VASH2: variants seen among roughly 807,000 people sequenced by gnomAD.
The protein encoded by VASH2 is tubulinyl-Tyr carboxypeptidase 2.
A neutral mutation model predicts 37.2 loss-of-function variants in VASH2; 28 were observed. The observed-to-expected ratio is 0.75, with a 90% CI of 0.56 to 1.03. VASH2 has a LOEUF of 1.03. Among genes scored for constraint, VASH2 ranks in the 50% least tolerant of loss-of-function variants. The pLI is 0.00. For missense variants in VASH2, 419 were observed against 459.1 expected (o/e 0.91, Z 0.80); for synonymous variants, 188 against 174.7 (o/e 1.08, Z -0.60).
At chr1:212,987,804 T>C (rs953719126) in intron 7 of VASH2, among the ~76,000 whole-genome samples, 10 of 152,238 alleles carry the variant, frequency 6.6e-5, no homozygotes, top group Non-Finnish European at 1.3e-4. Flanking sequence ...TAATCGTATA[T>C]TGGAAGTCAT....
intron 5 of VASH2, among the ~76,000 whole-genome samples, chr1:212,972,070 C>T (rs1441491982): frequency 6.6e-6 from 1 of 152,200 alleles, no homozygotes; most frequent in African/African-American, 2.4e-5. Flanking sequence ...AGGTTATATA[C>T]TCCCCTGCCT....
intron 7 of VASH2, among the ~76,000 whole-genome samples, chr1:212,984,583 C>A (rs74599850): frequency 9.2e-5 from 14 of 152,234 alleles, no homozygotes; most frequent in African/African-American, 3.4e-4. Flanking sequence ...ATATGAAGGG[C>A]AGCATATTTA....
At chr1:212,962,332 C>T (rs758024409) in intron 3 of VASH2, among the ~76,000 whole-genome samples, 1 of 152,188 alleles carries the variant, frequency 6.6e-6, no homozygotes, top group Non-Finnish European at 1.5e-5. Context: ...AGCACATTGT[C>T]CAGGAGGTCA....
intron 5 of VASH2, chr1:212,967,341 G>C: frequency 8.2e-7 from 1 of 1,224,206 alleles, no homozygotes; most frequent in Admixed American, 2.7e-5. Flanking sequence ...GAAATTGTGG[G>C]GATAGACCCA....
intron 7 of VASH2, among the ~76,000 whole-genome samples, chr1:212,980,746 G>C (rs12057354): frequency 1.3e-5 from 2 of 152,210 alleles, no homozygotes; most frequent in Non-Finnish European, 2.9e-5. Context: ...ATTCTCCTTA[G>C]ATCCCAAATG....
intron 5 of VASH2, chr1:212,968,469 G>T (rs1286078863): frequency 1.1e-5 from 11 of 985,378 alleles, no homozygotes; most frequent in Non-Finnish European, 1.2e-5. Context: ...GTGGGAAGGA[G>T]AATCTCTGTG....
chr1:212,986,079 A>G (rs1253261480), intron 7 of VASH2, among the ~76,000 whole-genome samples: 2 of 152,244 alleles, frequency 1.3e-5, no homozygotes, highest in African/African-American at 4.8e-5. Flanking sequence ...AATCTAATAC[A>G]AATGTAGTTT....
chr1:212,967,115 A>C (rs1666874338), intron 5 of VASH2: 2 of 1,304,364 alleles, frequency 1.5e-6, no homozygotes, highest in East Asian at 1.1e-4. Context: ...ACTTGACAGA[A>C]CCCACAGCTA....
intron 7 of VASH2, among the ~76,000 whole-genome samples, chr1:212,977,822 C>A (rs1302544260): frequency 6.6e-6 from 1 of 152,292 alleles, no homozygotes; most frequent in South Asian, 2.1e-4. Flanking sequence ...AGCCTGAGAA[C>A]TGGTGTTTCT....
At chr1:212,967,074 G>A (rs912937320) in intron 5 of VASH2, 4 of 1,301,116 alleles carry the variant, frequency 3.1e-6, no homozygotes, top group East Asian at 1.1e-4. Flanking sequence ...AGTGGCGTGT[G>A]GAGGAGACCA....
chr1:212,972,778 T>C lies in VASH2; in HGVS notation c.696T>C (p.Phe232=). The part of the protein sequence containing the change: ...FRTLSDLIFD[F]EDSYKKYLHT... ...CTCTGAGTGACCTCATCTTTGACTTTGAGGACTCTTACAAGAAATACCTGC... is the reference window on the plus strand; with the variant it reads ...CTCTGAGTGACCTCATCTTTGACTTCGAGGACTCTTACAAGAAATACCTGC... Residue 232 remains phenylalanine, a synonymous_variant, in exon 6 of 8, where the codon TTT becomes TTC. Coordinates refer to ENST00000517399, the MANE Select transcript of VASH2 (RefSeq NM_001301056.2). The C allele has an allele frequency of 6.2e-7, 1 of 1,614,212 alleles. No homozygotes were observed.
intron 7 of VASH2, among the ~76,000 whole-genome samples, chr1:212,976,634 G>T (rs749341029): frequency 2.6e-5 from 4 of 152,128 alleles, no homozygotes; most frequent in Non-Finnish European, 4.4e-5. Context: ...AACAGAAGAT[G>T]GAAGAGGAAC....
intron 2 of VASH2, among the ~76,000 whole-genome samples, chr1:212,953,238 G>A (rs1572054521): frequency 6.6e-6 from 1 of 150,410 alleles, no homozygotes; most frequent in Non-Finnish European, 1.5e-5. Flanking sequence ...CGCGGGGGGG[G>A]GTGCATTCTC....
Position 212,951,540 on chromosome 1 carries a change from A to G in VASH2, c.-3A>G. The G allele has an allele frequency of 1.3e-6, 2 of 1,505,746 alleles. No individual in the cohort carries two copies. The highest frequency in any genetic ancestry group is 1.8e-6 in the Non-Finnish European group (2 of 1,127,776). 93.3% of individuals were successfully genotyped at this position (1,505,746 alleles called of 1,614,324 possible). A position where few individuals can be genotyped will look rare whatever the true frequency, so the allele number is the denominator to read the frequency against. The stretch of plus-strand genomic sequence containing the variant: ...GTACCTCGCTCCCCGCCCAGGCCCC[A>G]CCATGACCGGCTCCGCGGCCGACAC... On this transcript the variant is annotated 5_prime_UTR_variant, in exon 2 of 8. Transcript: ENST00000517399. This position sits in a 1 kb window ranked among gnomAD's most constrained non-coding sequence, Gnocchi z 4.4.
chr1:212,987,677 A>G (rs1378407043), intron 7 of VASH2, among the ~76,000 whole-genome samples: 1 of 152,124 alleles, frequency 6.6e-6, no homozygotes, highest in Non-Finnish European at 1.5e-5. Context: ...AGAACTCACT[A>G]GCCATACTGA....
intron 2 of VASH2, among the ~76,000 whole-genome samples, chr1:212,954,632 C>CTCA (rs1206667210): frequency 6.6e-6 from 1 of 152,144 alleles, no homozygotes; most frequent in African/African-American, 2.4e-5. Flanking sequence ...ATTGGTCAGG[C>CTCA]TGGTCTCGAA....
intron 5 of VASH2, chr1:212,967,375 G>A (rs1666883288): frequency 8.3e-7 from 1 of 1,204,298 alleles, no homozygotes; most frequent in South Asian, 1.5e-5. Flanking sequence ...AGCCTGATCT[G>A]CCACAATCAG....
At chr1:212,979,802 T>G (rs1667287320) in intron 7 of VASH2, among the ~76,000 whole-genome samples, 7 of 152,158 alleles carry the variant, frequency 4.6e-5, no homozygotes, top group Admixed American at 4.6e-4. Flanking sequence ...GTAAAGCACC[T>G]ACTACACTGA....
At chr1:212,982,431 C>T (rs376281978) in intron 7 of VASH2, among the ~76,000 whole-genome samples, 1 of 152,122 alleles carries the variant, frequency 6.6e-6, no homozygotes, top group East Asian at 1.9e-4. Flanking sequence ...ACCCTGGATC[C>T]GATGAGAGGT....
Sources: allele counts gnomAD v4.1 joint callset (sites outside exome capture counted in the v4.1 genomes callset), GRCh38; gene constraint gnomAD v4.1.1; non-coding constraint Gnocchi (gnomAD v3.1); transcripts MANE v1.5; gene names NCBI Gene and HGNC (gene_info 2026-07-23, HGNC 2026-07-21).